Variants in ABCA8 observed in about 807,000 individuals in gnomAD.
ABCA8 encodes ATP binding cassette subfamily A member 8, also known as ABC-type organic anion transporter ABCA8.
A neutral mutation model predicts 192.3 loss-of-function variants in ABCA8; 177 were observed. The observed-to-expected ratio is 0.92, with a 90% CI of 0.81 to 1.04. The LOEUF (loss-of-function observed/expected upper bound fraction) is 1.04. Among genes scored for constraint, ABCA8 ranks in the 50% least tolerant of loss-of-function variants. The pLI is 0.00. For synonymous variants in ABCA8, 642 were observed against 690.2 expected (o/e 0.93, Z 1.09); for missense variants, 1,915 against 1,904.8 (o/e 1.01, Z -0.10).
rs758612114 is a variant in ABCA8, at chr17:68,891,579, T to G, written c.3054A>C (p.Pro1018=). The change falls in exon 24 of 40, where the codon CCA becomes CCC. Residue 1018 remains proline (P), a synonymous_variant. Coordinates refer to ENST00000586539, the MANE Select transcript of ABCA8 (RefSeq NM_001288985.2). Reference sequence around the variant, plus strand: ...ACATGATATATGCCAGGAATCCGATTGGATTGTCCTGTCCATTCTGAAAAA... The same window carrying G: ...ACATGATATATGCCAGGAATCCGATGGGATTGTCCTGTCCATTCTGAAAAA... The part of the protein sequence containing the change: ...STFLENGQDN[P]IGFLAYIMFW... 2 of 1,612,142 alleles carry G rather than the reference T, an allele frequency of 1.2e-6. No homozygotes were observed. Among genetic ancestry groups the G allele is most frequent in the South Asian group, 1.1e-5 (1 of 91,024 alleles).
At position 68,885,249 on chromosome 17, in the gene ABCA8, T is replaced by G. The variant is rs750371527; in HGVS notation, c.3496A>C (p.Thr1166Pro). 7 of 1,613,602 alleles carry G rather than the reference T, an allele frequency of 4.3e-6. No homozygotes were observed. In the South Asian group the frequency reaches 6.6e-5, roughly 15 times the overall value. ...IFESDIPFIF[T>P]FLIPPATMIG... ...ATTGTGGCAGGTGGTATTAAAAAAG[T>G]GAAGATAAATGGAATATCACTTTCG... Residue 1166 changes from threonine to proline, a missense_variant, in exon 27 of 40, where the codon ACT becomes CCT. Thr to Pro is a conservative substitution (Grantham distance 38, BLOSUM62 -1). Transcript: ENST00000586539.
At chr17:68,893,772 C>T (rs1278109733) in intron 23 of ABCA8, among the ~76,000 whole-genome samples, 1 of 136,206 alleles carries the variant, frequency 7.3e-6, no homozygotes, top group Non-Finnish European at 1.5e-5. Flanking sequence ...TTTTAGGGTA[C>T]ATGTGCACAT....
rs6146128 is a variant in ABCA8 at position 68,935,540 on chromosome 17, C to CTATATATATATATATATATATATATA, written c.466+1385_466+1410dup. ...TTTAATTTATGGCTGAGTAGTATTCCTATATATATATATATATATATATAT... is the reference window on the plus strand; with the variant it reads ...TTTAATTTATGGCTGAGTAGTATTCCTATATATATATATATATATATATATATATATATATATATATATATATATAT... On this transcript the variant is annotated intron_variant, in intron 5 of 39. Transcript: ENST00000586539. 1.1e-3 allele frequency among the ~76,000 whole-genome samples: 96 copies of CTATATATATATATATATATATATATA among 87,210 alleles called. 3 individuals carry two copies. The highest frequency in any genetic ancestry group is 1.5e-3 in the Non-Finnish European group (68 of 44,590). 57.2% of individuals were successfully genotyped at this position (87,210 alleles called of 152,430 possible). A position where few individuals can be genotyped will look rare whatever the true frequency, so the allele number is the denominator to read the frequency against.
chr17:68,894,971 T>A lies in ABCA8; in HGVS notation c.2807A>T (p.Asn936Ile). The change falls in exon 22 of 40, where the codon AAC becomes ATC. Residue 936 changes from asparagine to isoleucine, a missense_variant. Coordinates refer to ENST00000586539, the MANE Select transcript of ABCA8 (RefSeq NM_001288985.2). ...DDFIQSVEHQ[N>I]IALEVDAFGT... The stretch of plus-strand genomic sequence containing the variant: ...AAATGCATCCACTTCTAAAGCTATG[T>A]TCTGGTGCTCCACAGACTGTATAAA... 1 of 1,613,674 alleles carries A rather than the reference T, an allele frequency of 6.2e-7. No homozygotes were observed. Among genetic ancestry groups the A allele is most frequent in the Non-Finnish European group, 8.5e-7 (1 of 1,179,780 alleles).
chr17:68,871,586 T>C (rs528337113), intron 37 of ABCA8, among the ~76,000 whole-genome samples: 2 of 152,312 alleles, frequency 1.3e-5, no homozygotes, highest in East Asian at 3.9e-4. Flanking sequence ...ACATTCTTAA[T>C]TGGGTTATTA....
chr17:68,899,728 C>G (rs1300888061), intron 21 of ABCA8, among the ~76,000 whole-genome samples: 1 of 151,980 alleles, frequency 6.6e-6, no homozygotes, highest in African/African-American at 2.4e-5. Context: ...CTCAACACAT[C>G]CAAAACGGTT....
chr17:68,942,642 A>T (rs908753661), intron 2 of ABCA8, among the ~76,000 whole-genome samples: 8 of 151,576 alleles, frequency 5.3e-5, no homozygotes, highest in African/African-American at 1.9e-4. Flanking sequence ...AAAGGAGTGC[A>T]CTCTAGTACT....
rs150430780 is a variant in ABCA8, at chr17:68,937,084, T to C, written c.333A>G (p.Glu111=). Residue 111 remains glutamate, a synonymous_variant, in exon 5 of 40, where the codon GAA becomes GAG. Coordinates refer to ENST00000586539, the MANE Select transcript of ABCA8 (RefSeq NM_001288985.2). ...GKEVLGLPDE[E]SIKEFTANYP... ...AATTTGCTGTGAATTCTTTAATACT[T>C]TCCTCATCTGGCAGTCCCAAGACCT... is the stretch of plus-strand genomic sequence containing the variant. The C allele has an allele frequency of 1.1e-5, 17 of 1,608,970 alleles. No homozygotes were observed. In the African/African-American group the frequency reaches 2.0e-4, roughly 19 times the overall value.
In ABCA8 at chr17:68,917,466, G is replaced by A; in HGVS notation, c.2048-15C>T. 6.3e-7 allele frequency: 1 copy of A among 1,586,890 alleles called. No homozygotes were observed. Among genetic ancestry groups the A allele is most frequent in the Non-Finnish European group, 8.6e-7 (1 of 1,161,018 alleles). On this transcript the variant is annotated splice_polypyrimidine_tract_variant and intron_variant, in intron 16 of 39. Coordinates refer to ENST00000586539, the MANE Select transcript of ABCA8 (RefSeq NM_001288985.2). The stretch of plus-strand genomic sequence containing the variant: ...TACTTTCCTGTCTGAAAAAGAAGAA[G>A]AGCAAAGAAGAAAGTTTGTTAAAAA...
At position 68,883,927 on chromosome 17, in the gene ABCA8, T is replaced by G. The variant is rs558494077; in HGVS notation, c.3616-45A>C. The G allele has an allele frequency of 7.5e-5, 93 of 1,247,436 alleles. 1 individual carries two copies. In the South Asian group the frequency reaches 1.2e-3, roughly 17 times the overall value. The allele number at this position is 1,247,436 out of a possible 1,614,324, so 77.3% of individuals were successfully genotyped here. ...CACAATTAGAAACATAAAAAGATAA[T>G]TGTTCAATATCAAAGATATACTAAT... On this transcript the variant is annotated intron_variant, in intron 28 of 39. Transcript: ENST00000586539.
At chr17:68,875,232 C>A (rs751960061) in intron 37 of ABCA8, 28 bp downstream of exon 37, 2 of 1,612,068 alleles carry the variant, frequency 1.2e-6, no homozygotes, top group Admixed American at 1.7e-5. Flanking sequence ...ACATTTGGTA[C>A]CATTTCCAAA....
At chr17:68,873,686 T>C (rs1280834338) in intron 37 of ABCA8, among the ~76,000 whole-genome samples, 1 of 152,228 alleles carries the variant, frequency 6.6e-6, no homozygotes, top group Non-Finnish European at 1.5e-5. Flanking sequence ...ATTTCAGGTC[T>C]TATGTTTATG....
Position 68,922,287 on chromosome 17 carries a change from T to C in ABCA8, c.1456A>G (p.Thr486Ala). 1 of 1,257,616 alleles carries C rather than the reference T, an allele frequency of 8.0e-7. No homozygotes were observed. The allele number at this position is 1,257,616 out of a possible 1,614,324, so 77.9% of individuals were successfully genotyped here. Reference protein sequence around the residue: ...GKEAIRIRNVTKEYKGKPDKI... With the variant: ...GKEAIRIRNVAKEYKGKPDKI... Reference sequence around the variant, plus strand: ...TCAGGCTTTCCTTTATATTCTTTTGTAACATTTCTGATTCTGAAAAAAAGA... The same window carrying C: ...TCAGGCTTTCCTTTATATTCTTTTGCAACATTTCTGATTCTGAAAAAAAGA... Residue 486 changes from threonine (T) to alanine (A), a missense_variant, in exon 12 of 40, where the codon ACA becomes GCA. Physicochemically the swap from Thr to Ala is moderately conservative, Grantham distance 58 (BLOSUM62 0). Coordinates refer to ENST00000586539, the MANE Select transcript of ABCA8 (RefSeq NM_001288985.2).
rs1567818136 is a variant in ABCA8 at position 68,875,655 on chromosome 17, GGCCTCA to G, written c.4443_4448del (p.Glu1482_Ala1483del). ...CCATGATGGCCACTCGGTCACACAC[GGCCTCA>G]GCCTCTGCCATGTAGTGGGTGGTTA... On this transcript the variant is annotated inframe_deletion, in exon 36 of 40. Transcript: ENST00000586539. 2 of 1,614,126 alleles carry G rather than the reference GGCCTCA, an allele frequency of 1.2e-6. No individual in the cohort carries two copies. The highest frequency in any genetic ancestry group is 2.2e-5 in the South Asian group (2 of 91,072).
At chr17:68,894,043 G>A in intron 23 of ABCA8, 130 bp downstream of exon 23, 1 of 1,002,468 alleles carries the variant, frequency 1.0e-6, no homozygotes, top group East Asian at 2.6e-5. Flanking sequence ...CACAGAACTA[G>A]AATGAGTCCA....
In ABCA8 at chr17:68,911,663, C is replaced by T. The variant is rs2143556719; in HGVS notation, c.2139-3784G>A. Reference sequence around the variant, plus strand: ...GTGCTGTATTGGCTTTAGATCTGACCCAGCATAATCCTAGTGGTGGTGGCC... The same window carrying T: ...GTGCTGTATTGGCTTTAGATCTGACTCAGCATAATCCTAGTGGTGGTGGCC... On this transcript the variant is annotated intron_variant, in intron 17 of 39. Transcript: ENST00000586539. This position sits in a 1 kb window ranked among gnomAD's most constrained non-coding sequence, Gnocchi z 5.7. Among the ~76,000 whole-genome samples the T allele has an allele frequency of 6.6e-6, 1 of 151,854 alleles. No homozygotes were observed. The highest frequency in any genetic ancestry group is 1.5e-5 in the Non-Finnish European group (1 of 67,950).
At chr17:68,906,256 T>C (rs1024077726) in intron 18 of ABCA8, 93 bp from the exon 19 acceptor site, 2 of 953,930 alleles carry the variant, frequency 2.1e-6, no homozygotes, top group Non-Finnish European at 2.9e-6. Context: ...TCTATGAAAC[T>C]ATACTTGTGA....
chr17:68,877,702 A>G (rs1393141986), intron 32 of ABCA8, 23 bp from the exon 33 acceptor site: 4 of 1,601,732 alleles, frequency 2.5e-6, no homozygotes, highest in Non-Finnish European at 3.4e-6. Context: ...GTTCCCTCTC[A>G]GAACCTACCT....
At chr17:68,950,261 A>T (rs2068534433) in intron 1 of ABCA8, among the ~76,000 whole-genome samples, 1 of 152,354 alleles carries the variant, frequency 6.6e-6, no homozygotes, top group East Asian at 1.9e-4. Context: ...AAATGGCCAT[A>T]CTGCCCGAAG....
Sources: allele counts gnomAD v4.1 joint callset (sites outside exome capture counted in the v4.1 genomes callset), GRCh38; gene constraint gnomAD v4.1.1; non-coding constraint Gnocchi (gnomAD v3.1); transcripts MANE v1.5; gene names NCBI Gene and HGNC (gene_info 2026-07-23, HGNC 2026-07-21).